The following PDGFC variants were observed in gnomAD, a reference collection of about 807,000 sequenced individuals.
PDGFC encodes platelet derived growth factor C, also known as platelet-derived growth factor C.
Under a neutral mutation model 35.5 loss-of-function variants are expected in PDGFC, and 12 were observed. That is an observed-to-expected ratio of 0.34 (90% CI 0.22 to 0.55). The LOEUF is 0.55. Ranked by LOEUF, PDGFC falls within the 20% of genes least tolerant of loss-of-function variation. The pLI, the probability that PDGFC is intolerant of heterozygous loss-of-function variation, is 0.91. For synonymous variants in PDGFC, 159 were observed against 148.8 expected, an observed-to-expected ratio of 1.07 and a Z score of -0.50; for missense variants, 322 against 412.4, an observed-to-expected ratio of 0.78 and a Z score of 1.90.
At chr4:156,809,533 T>C (rs1731872027) in intron 3 of PDGFC, among the ~76,000 whole-genome samples, 4 of 152,044 alleles carry the variant, frequency 2.6e-5, no homozygotes, top group Admixed American at 2.6e-4. Flanking sequence ...AAGTATTTAT[T>C]GAGAGACTAT....
At chr4:156,774,713 G>A (rs1730780468) in intron 3 of PDGFC, among the ~76,000 whole-genome samples, 1 of 145,078 alleles carries the variant, frequency 6.9e-6, no homozygotes, top group African/African-American at 2.6e-5. Flanking sequence ...CAGGGCCTGT[G>A]TGTGCATTAT....
At chr4:156,790,522 T>C (rs1172506832) in intron 3 of PDGFC, among the ~76,000 whole-genome samples, 1 of 152,300 alleles carries the variant, frequency 6.6e-6, no homozygotes, top group Non-Finnish European at 1.5e-5. Flanking sequence ...ATTTAAAGGT[T>C]TCTCCAAATG....
At chr4:156,834,249 A>C (rs1284294231) in intron 2 of PDGFC, among the ~76,000 whole-genome samples, 36 of 152,196 alleles carry the variant, frequency 2.4e-4, no homozygotes, top group Non-Finnish European at 1.5e-5. Context: ...AATTTGCAGC[A>C]TGATATCAAA....
chr4:156,865,683 A>G (rs1579064435), intron 1 of PDGFC, among the ~76,000 whole-genome samples: 1 of 152,198 alleles, frequency 6.6e-6, no homozygotes, highest in East Asian at 1.9e-4. Context: ...AAAAAGTAAT[A>G]AAAATCGTGA....
At chr4:156,883,298 T>C (rs1273916483) in intron 1 of PDGFC, among the ~76,000 whole-genome samples, 1 of 152,172 alleles carries the variant, frequency 6.6e-6, no homozygotes, top group Admixed American at 6.5e-5. Context: ...TGTTTACATA[T>C]GAAACATATT....
chr4:156,888,167 C>T (rs1444461601), intron 1 of PDGFC, among the ~76,000 whole-genome samples: 4 of 152,132 alleles, frequency 2.6e-5, no homozygotes, highest in Non-Finnish European at 5.9e-5. Flanking sequence ...CTTGTTTTTA[C>T]AACTGGAGAG....
At chr4:156,858,119 A>T (rs1184725010) in intron 1 of PDGFC, among the ~76,000 whole-genome samples, 1 of 152,110 alleles carries the variant, frequency 6.6e-6, no homozygotes, top group East Asian at 1.9e-4. Context: ...GATTATTATT[A>T]TGCGTGCCAC....
At chr4:156,816,274 C>A (rs1167091581) in intron 2 of PDGFC, among the ~76,000 whole-genome samples, 1 of 152,036 alleles carries the variant, frequency 6.6e-6, no homozygotes, top group Non-Finnish European at 1.5e-5. Context: ...TTTAAAAAGG[C>A]CTAGCCCTGC....
chr4:156,834,688 T>C (rs928743756), intron 2 of PDGFC, among the ~76,000 whole-genome samples: 6 of 152,174 alleles, frequency 3.9e-5, no homozygotes, highest in Admixed American at 6.5e-5. Context: ...AAAAGCTTAC[T>C]TGAGATTTGA....
At chr4:156,851,762 T>G (rs1000095501) in intron 1 of PDGFC, among the ~76,000 whole-genome samples, 7 of 151,620 alleles carry the variant, frequency 4.6e-5, no homozygotes, top group African/African-American at 1.7e-4. Context: ...AAATCCCGTC[T>G]CTACTAAAAA....
intron 1 of PDGFC, among the ~76,000 whole-genome samples, chr4:156,878,995 C>T (rs1263473425): frequency 6.6e-6 from 1 of 152,174 alleles, no homozygotes; most frequent in African/African-American, 2.4e-5. Context: ...ATCTTCTCAA[C>T]CATTTGCTAT....
At chr4:156,810,578 C>T (rs1350387038) in intron 3 of PDGFC, among the ~76,000 whole-genome samples, 1 of 151,842 alleles carries the variant, frequency 6.6e-6, no homozygotes, top group African/African-American at 2.4e-5. Flanking sequence ...TCATAGACTC[C>T]TGAGCAATCA....
intron 1 of PDGFC, among the ~76,000 whole-genome samples, chr4:156,859,515 TA>T (rs1366716426): frequency 6.6e-6 from 1 of 152,116 alleles, no homozygotes; most frequent in Non-Finnish European, 1.5e-5. Context: ...TAATTCCACA[TA>T]ACTCTATCAG....
intron 1 of PDGFC, among the ~76,000 whole-genome samples, chr4:156,855,728 TCTACATC>T (rs1285544842): frequency 2.6e-5 from 4 of 152,210 alleles, no homozygotes; most frequent in Non-Finnish European, 5.9e-5. Context: ...TGATAATTTT[TCTACATC>T]CTAATGTTGC....
chr4:156,819,946 A>C (rs770474855), intron 2 of PDGFC, among the ~76,000 whole-genome samples: 1 of 152,212 alleles, frequency 6.6e-6, no homozygotes. Context: ...ACTGGTTCCA[A>C]TCTTCACGGA....
At chr4:156,844,039 C>A (rs919031378) in intron 2 of PDGFC, among the ~76,000 whole-genome samples, 2 of 152,264 alleles carry the variant, frequency 1.3e-5, no homozygotes, top group South Asian at 4.1e-4. Context: ...CAAGTCCCCA[C>A]ACTGAAAAAT....
chr4:156,809,199 T>C (rs1465999967), intron 3 of PDGFC, among the ~76,000 whole-genome samples: 1 of 151,974 alleles, frequency 6.6e-6, no homozygotes, highest in African/African-American at 2.4e-5. Context: ...GAAGTCCATA[T>C]TGACAATTTA....
intron 3 of PDGFC, 97 bp from the exon 4 acceptor site, chr4:156,772,990 A>G (rs1730729747): frequency 2.6e-6 from 2 of 773,326 alleles, no homozygotes; most frequent in South Asian, 3.1e-5. Context: ...GGCTGGAAAT[A>G]TGTGTGAAGG....
chr4:156,886,758 A>T (rs1419814253), intron 1 of PDGFC: 1 of 152,200 alleles, frequency 6.6e-6, no homozygotes, highest in Non-Finnish European at 1.5e-5. Flanking sequence ...TCCCATTTCT[A>T]TATCTGGACA....
Sources: allele counts gnomAD v4.1 joint callset (sites outside exome capture counted in the v4.1 genomes callset), GRCh38; gene constraint gnomAD v4.1.1; transcripts MANE v1.5; gene names NCBI Gene and HGNC (gene_info 2026-07-23, HGNC 2026-07-21).